The following NKAIN2 variants were observed in gnomAD, a reference collection of about 807,000 sequenced individuals.
The protein encoded by NKAIN2 is sodium/potassium transporting ATPase interacting 2.
In NKAIN2, 14 loss-of-function variants were observed where a neutral mutation model predicts 32.6. The observed-to-expected ratio is 0.43, with a 90% confidence interval of 0.28 to 0.67. NKAIN2 has a LOEUF of 0.67. NKAIN2 is among the 30% of genes least tolerant of loss of function. The probability of loss-of-function intolerance (pLI) is 0.17; values close to 1 mark genes in which losing one functional copy is unlikely to be tolerated. For missense variants in NKAIN2, 198 were observed against 258.3 expected (o/e 0.77, Z 1.60); for synonymous variants, 80 against 87.2 (o/e 0.92, Z 0.46).
At chr6:124,126,389 TCTC>T (rs1786166984) in intron 1 of NKAIN2, among the ~76,000 whole-genome samples, 1 of 152,180 alleles carries the variant, frequency 6.6e-6, no homozygotes, top group Non-Finnish European at 1.5e-5. Flanking sequence ...CTTCCTTCAT[TCTC>T]CCTCTTACTT....
intron 1 of NKAIN2, among the ~76,000 whole-genome samples, chr6:124,067,349 A>G (rs780323243): frequency 6.6e-6 from 1 of 152,152 alleles, no homozygotes; most frequent in East Asian, 1.9e-4. Context: ...ACGTCTGTCT[A>G]TATTTATTTC....
At chr6:123,976,349 ATATATAT>A (rs1778604576) in intron 1 of NKAIN2, among the ~76,000 whole-genome samples, 1 of 4,862 alleles carries the variant, frequency 2.1e-4, no homozygotes. Flanking sequence ...ATATGTTCCC[ATATATAT>A]ATATATATAT....
chr6:124,319,646 C>T (rs1008274111), intron 2 of NKAIN2, among the ~76,000 whole-genome samples: 4 of 151,998 alleles, frequency 2.6e-5, no homozygotes, highest in African/African-American at 4.8e-5. Flanking sequence ...CCAGTAACTG[C>T]GAGTGCTAAA....
intron 3 of NKAIN2, among the ~76,000 whole-genome samples, chr6:124,566,902 A>G (rs9375341): frequency 0.06 from 9,173 of 152,288 alleles, 404 homozygotes; most frequent in East Asian, 0.23. Context: ...GAGAGAAAGA[A>G]AGAAAAGAGA....
At chr6:124,243,490 G>A (rs933324241) in intron 1 of NKAIN2, among the ~76,000 whole-genome samples, 4 of 151,006 alleles carry the variant, frequency 2.6e-5, no homozygotes, top group African/African-American at 4.9e-5. Flanking sequence ...ACAAGACCCC[G>A]TCTCAAAGAA....
intron 3 of NKAIN2, among the ~76,000 whole-genome samples, chr6:124,401,649 T>C (rs1011039804): frequency 9.2e-5 from 14 of 152,220 alleles, no homozygotes; most frequent in African/African-American, 3.4e-4. Flanking sequence ...AATTTCCTTG[T>C]GGATTGTTTG....
At chr6:124,041,870 T>A (rs1365836404) in intron 1 of NKAIN2, among the ~76,000 whole-genome samples, 1 of 152,132 alleles carries the variant, frequency 6.6e-6, no homozygotes, top group Non-Finnish European at 1.5e-5. Flanking sequence ...ATTGATAAGA[T>A]TTTCCTGATG....
intron 1 of NKAIN2, among the ~76,000 whole-genome samples, chr6:124,027,159 G>A (rs594743): frequency 5.2e-5 from 7 of 135,336 alleles, no homozygotes; most frequent in Non-Finnish European, 7.9e-5. Flanking sequence ...TTTTTTTTAA[G>A]ACAGATTTTT....
chr6:124,779,383 G>T (rs369048695), intron 4 of NKAIN2, among the ~76,000 whole-genome samples: 2 of 146,498 alleles, frequency 1.4e-5, no homozygotes, highest in East Asian at 4.1e-4. Context: ...AAGGAAGGAA[G>T]TCCTCCTGTC....
chr6:123,997,351 C>T lies in NKAIN2; in HGVS notation c.54+193097C>T, dbSNP rs995086501. Among the ~76,000 whole-genome samples, 81 of 152,136 alleles carry T rather than the reference C, an allele frequency of 5.3e-4. 1 individual carries two copies. Among genetic ancestry groups the T allele is most frequent in the African/African-American group, 2.0e-3 (81 of 41,502 alleles). ...TCATTGCTACCCGTTTATGGCTGCA[C>T]CATGTGGTAGGAATCCAGAAGCATC... On this transcript the variant is annotated intron_variant, in intron 1 of 6. Transcript: ENST00000368417.
intron 1 of NKAIN2, among the ~76,000 whole-genome samples, chr6:124,224,354 A>T (rs1175419399): frequency 6.6e-6 from 1 of 152,134 alleles, no homozygotes; most frequent in Non-Finnish European, 1.5e-5. Context: ...GGCCATGGTT[A>T]ATTACTTCAA....
chr6:124,437,968 C>T, intron 3 of NKAIN2: 2 of 413,414 alleles, frequency 4.8e-6, no homozygotes, highest in Admixed American at 3.0e-5. Flanking sequence ...TAACTGGCAG[C>T]TCCTTATATC....
chr6:124,441,608 G>A (rs746874089), intron 3 of NKAIN2, among the ~76,000 whole-genome samples: 1 of 152,148 alleles, frequency 6.6e-6, no homozygotes, highest in Non-Finnish European at 1.5e-5. Context: ...CTGAGAGCCA[G>A]TATCTATTTC....
At chr6:124,057,687 A>T (rs1782725660) in intron 1 of NKAIN2, among the ~76,000 whole-genome samples, 2 of 151,836 alleles carry the variant, frequency 1.3e-5, no homozygotes, top group Admixed American at 6.6e-5. Context: ...AGCCACTGTT[A>T]AATAAACACT....
chr6:124,168,326 A>G (rs888178995), intron 1 of NKAIN2, among the ~76,000 whole-genome samples: 2 of 152,126 alleles, frequency 1.3e-5, no homozygotes, highest in Non-Finnish European at 2.9e-5. Flanking sequence ...TCCAAAAATG[A>G]TTTGGTGTTT....
chr6:124,533,453 C>A (rs1410646857), intron 3 of NKAIN2, among the ~76,000 whole-genome samples: 2 of 95,376 alleles, frequency 2.1e-5, no homozygotes, highest in Admixed American at 1.6e-4. Context: ...GCCTGGGTGA[C>A]AGAGCAAGAC....
intron 1 of NKAIN2, among the ~76,000 whole-genome samples, chr6:124,219,573 C>G (rs923922076): frequency 6.6e-6 from 1 of 151,934 alleles, no homozygotes; most frequent in Non-Finnish European, 1.5e-5. Context: ...CCACCACGCC[C>G]GGCCAACACT....
At chr6:124,196,279 A>G (rs1182830678) in intron 1 of NKAIN2, among the ~76,000 whole-genome samples, 1 of 152,102 alleles carries the variant, frequency 6.6e-6, no homozygotes, top group Non-Finnish European at 1.5e-5. Context: ...ACAAAATATT[A>G]AAGATTATAT....
intron 1 of NKAIN2, among the ~76,000 whole-genome samples, chr6:123,890,891 T>C (rs1449669265): frequency 6.6e-6 from 1 of 152,124 alleles, no homozygotes; most frequent in Non-Finnish European, 1.5e-5. Context: ...CCAATGTTCA[T>C]AGTAGGTAAA....
Sources: gnomAD v4.1 joint callset for allele counts (sites outside exome capture counted in the v4.1 genomes callset) on GRCh38, gnomAD v4.1.1 for gene constraint, MANE v1.5 for transcripts, NCBI Gene and HGNC (gene_info 2026-07-23, HGNC 2026-07-21) for gene names.